The following SGK1 variants were observed in gnomAD, a reference collection of about 807,000 sequenced individuals.
The protein encoded by SGK1 is serum/glucocorticoid regulated kinase 1, also known as serine/threonine-protein kinase Sgk1.
In SGK1, 26 loss-of-function variants were observed where a neutral mutation model predicts 64.2. The ratio of observed to expected loss-of-function variants is 0.40; its 90% CI spans 0.30 to 0.56. The LOEUF (loss-of-function observed/expected upper bound fraction) is 0.56, where lower values mean the gene tolerates loss of function less well. Ranked by LOEUF, SGK1 falls within the 20% of genes least tolerant of loss-of-function variation. The probability of loss-of-function intolerance (pLI) is 0.38; values close to 1 mark genes in which losing one functional copy is unlikely to be tolerated. For missense variants in SGK1, 519 were observed against 645.6 expected, an observed-to-expected ratio of 0.80 and a Z score of 2.12; for synonymous variants, 265 against 239.7, an observed-to-expected ratio of 1.11 and a Z score of -0.98.
chr6:134,298,232 G>A lies in SGK1; in HGVS notation c.69+19160C>T, dbSNP rs971998539. On this transcript the variant is annotated intron_variant, in intron 1 of 13. Transcript: ENST00000367858. ...TCTGCCTCCAGCTTCAGCTTCTCCT[G>A]GCCCCGAGTCTCCAGCTGCCGCCTA... 10 of 1,572,674 alleles carry A rather than the reference G, an allele frequency of 6.4e-6. No homozygotes were observed. The African/African-American group carries it at 1.2e-4, about 19-fold the overall frequency.
intron 2 of SGK1, among the ~76,000 whole-genome samples, chr6:134,209,176 G>A (rs1472945592): frequency 1.3e-5 from 2 of 152,128 alleles, no homozygotes; most frequent in African/African-American, 4.8e-5. Context: ...GCTCACCCCT[G>A]TAATCCCAGC....
At chr6:134,204,515 C>T (rs553171393) in intron 3 of SGK1, among the ~76,000 whole-genome samples, 95 of 147,858 alleles carry the variant, frequency 6.4e-4, no homozygotes, top group African/African-American at 2.2e-3. Flanking sequence ...TATTTCTATT[C>T]CTATTTCTCT....
chr6:134,205,471 A>G (rs1268054946), intron 3 of SGK1, among the ~76,000 whole-genome samples: 3 of 150,812 alleles, frequency 2.0e-5, no homozygotes, highest in Non-Finnish European at 4.4e-5. Flanking sequence ...TTTCCTTCTC[A>G]AGTCCTCCTG....
intron 3 of SGK1, among the ~76,000 whole-genome samples, chr6:134,175,096 T>C (rs1478489111): frequency 2.0e-5 from 3 of 152,060 alleles, no homozygotes; most frequent in Non-Finnish European, 4.4e-5. Context: ...AGGGCCGTTA[T>C]CAGTCTCCAT....
In SGK1 at chr6:134,262,154, A is replaced by G. The variant is rs1412400126; in HGVS notation, c.70-6T>C. ...CTCTTGATCCACCTTCGTACCTGCA[A>G]TGTGCAAAAGGAAAGAAAAAACAAA... is the stretch of plus-strand genomic sequence containing the variant. On this transcript the variant is annotated splice_polypyrimidine_tract_variant and splice_region_variant and intron_variant, in intron 1 of 13. Coordinates refer to ENST00000367858, the MANE Select transcript of SGK1 (RefSeq NM_001143676.3). The G allele has an allele frequency of 1.3e-6, 2 of 1,561,886 alleles. No individual in the cohort carries two copies. The highest frequency in any genetic ancestry group is 1.2e-5 in the South Asian group (1 of 85,654).
chr6:134,309,953 T>G (rs77548925), intron 1 of SGK1, among the ~76,000 whole-genome samples: 7,576 of 152,344 alleles, frequency 0.05, 253 homozygotes, highest in Non-Finnish European at 0.075. Flanking sequence ...TAGCGAACTA[T>G]CTTTAGCTTG....
chr6:134,270,802 C>G (rs1776927363), intron 1 of SGK1, among the ~76,000 whole-genome samples: 1 of 148,004 alleles, frequency 6.8e-6, no homozygotes, highest in Non-Finnish European at 1.5e-5. Context: ...TCACAGCAGG[C>G]AGCACCCCAG....
rs769616823 is a variant in SGK1, at chr6:134,174,085, A to G, written c.438-5T>C. Reference sequence around the variant, plus strand: ...AAGATGGACTGAACTTCAGGGCTGCAGGGAATAAAGGGCACGATTTAGAAT... The same window carrying G: ...AAGATGGACTGAACTTCAGGGCTGCGGGGAATAAAGGGCACGATTTAGAAT... On this transcript the variant is annotated splice_region_variant and splice_polypyrimidine_tract_variant and intron_variant, in intron 4 of 13. Coordinates refer to ENST00000367858, the MANE Select transcript of SGK1 (RefSeq NM_001143676.3). 5.0e-6 allele frequency: 8 copies of G among 1,609,326 alleles called. No individual in the cohort carries two copies. The East Asian group carries it at 1.8e-4, about 36-fold the overall frequency.
intron 2 of SGK1, among the ~76,000 whole-genome samples, chr6:134,227,944 T>C (rs1225619596): frequency 2.3e-4 from 1 of 4,392 alleles, no homozygotes; most frequent in African/African-American, 3.3e-4. Flanking sequence ...GAATTCATTC[T>C]TTTTTTTTTT....
intron 1 of SGK1, among the ~76,000 whole-genome samples, chr6:134,305,423 A>T (rs1777521076): frequency 6.6e-6 from 1 of 151,240 alleles, no homozygotes; most frequent in Non-Finnish European, 1.5e-5. Flanking sequence ...AAATACAAAA[A>T]TTAGCCCAGC....
At chr6:134,206,846 G>T (rs1381305279) in intron 3 of SGK1, among the ~76,000 whole-genome samples, 2 of 138,832 alleles carry the variant, frequency 1.4e-5, no homozygotes, top group East Asian at 4.3e-4. Context: ...CAGCCTGGGC[G>T]ACAGAGCAAG....
chr6:134,170,420 G>A lies in SGK1; in HGVS notation c.1429C>T (p.Leu477=). 1 of 1,613,110 alleles carries A rather than the reference G, an allele frequency of 6.2e-7. No homozygotes were observed. Among genetic ancestry groups the A allele is most frequent in the African/African-American group, 1.3e-5 (1 of 74,996 alleles). ...GTAAACTCGGGGTCAAAGTGCCGTA[G>A]GTCGTTGGGCCCACTCTGTGACGGG... ...FNPNVSGPND[L]RHFDPEFTEE... Residue 477 remains leucine (L), a synonymous_variant, in exon 14 of 14, where the codon CTA becomes TTA. Coordinates refer to ENST00000367858, the MANE Select transcript of SGK1 (RefSeq NM_001143676.3).
chr6:134,215,130 C>CTTTT lies in SGK1; in HGVS notation c.286-7700_286-7699insAAAA, dbSNP rs780554551. 5.6e-4 allele frequency: 195 copies of CTTTT among 345,220 alleles called. 1 individual carries two copies. The highest frequency in any genetic ancestry group is 2.7e-3 in the African/African-American group (107 of 39,328). 21.4% of individuals were successfully genotyped at this position (345,220 alleles called of 1,614,324 possible). A position where few individuals can be genotyped will look rare whatever the true frequency, so the allele number is the denominator to read the frequency against. ...ACATGAGAGTAAGTTTTCTTTCTTT[C>CTTTT]TTTCTTTTTTTTTTTTTGAGAGAGC... On this transcript the variant is annotated intron_variant, in intron 2 of 13. Coordinates refer to ENST00000367858, the MANE Select transcript of SGK1 (RefSeq NM_001143676.3).
In SGK1 at chr6:134,267,762, T is replaced by G. The variant is rs112000495; in HGVS notation, c.70-5614A>C. Among the ~76,000 whole-genome samples the G allele has an allele frequency of 9.7e-3, 1,475 of 152,256 alleles. 26 individuals carry two copies. The highest frequency in any genetic ancestry group is 0.033 in the African/African-American group (1,386 of 41,524). On this transcript the variant is annotated intron_variant, in intron 1 of 13. Transcript: ENST00000367858. The stretch of plus-strand genomic sequence containing the variant: ...ATACTCCCTCTCTGTCCACACAGAA[T>G]GTAGCAAGGGATATGGAGAAATACT...
chr6:134,249,468 C>T (rs1209836453), intron 2 of SGK1: 10 of 152,224 alleles, frequency 6.6e-5, no homozygotes, highest in African/African-American at 2.4e-4. Flanking sequence ...TACTAACTTA[C>T]TCATCCTTCA....
chr6:134,181,012 G>A (rs577511176), intron 3 of SGK1, among the ~76,000 whole-genome samples: 1 of 152,250 alleles, frequency 6.6e-6, no homozygotes, highest in Admixed American at 6.5e-5. Flanking sequence ...CAAGAAACAG[G>A]TCTGAGAGCT....
intron 2 of SGK1, among the ~76,000 whole-genome samples, chr6:134,234,253 A>AT (rs1582732274): frequency 6.6e-6 from 1 of 151,994 alleles, no homozygotes; most frequent in East Asian, 1.9e-4. Context: ...AATACAAAAA[A>AT]TTAGCCTGGT....
rs781544198 is a variant in SGK1, at chr6:134,191,673, G to GTT, written c.361+15681_361+15682dup. ...TTTGGTGTTTTGTTTTTTTGTTTTT[G>GTT]TTTTTTTTTTTTTGAGACGAAGTCT... is the stretch of plus-strand genomic sequence containing the variant. On this transcript the variant is annotated intron_variant, in intron 3 of 13. Coordinates refer to ENST00000367858, the MANE Select transcript of SGK1 (RefSeq NM_001143676.3). 1.6e-3 allele frequency among the ~76,000 whole-genome samples: 230 copies of GTT among 141,036 alleles called. 2 individuals carry two copies. Among genetic ancestry groups the GTT allele is most frequent in the Admixed American group, 5.5e-3 (77 of 14,008 alleles). The allele number at this position is 141,036 out of a possible 152,430, so 92.5% of individuals were successfully genotyped here.
chr6:134,174,429 C>T (rs1775141773), intron 4 of SGK1, 82 bp downstream of exon 4: 4 of 997,054 alleles, frequency 4.0e-6, no homozygotes, highest in Middle Eastern at 2.3e-4. Context: ...CTTCGCCTTC[C>T]CGATAAACGC....
Sources: allele counts gnomAD v4.1 joint callset (sites outside exome capture counted in the v4.1 genomes callset), GRCh38; gene constraint gnomAD v4.1.1; transcripts MANE v1.5; gene names NCBI Gene and HGNC (gene_info 2026-07-23, HGNC 2026-07-21).